The following WDFY4 variants were observed in gnomAD, a reference collection of about 807,000 sequenced individuals.
WDFY4 encodes the protein WDFY family member 4, also known as WD repeat- and FYVE domain-containing protein 4.
Under a neutral mutation model 351.9 loss-of-function variants are expected in WDFY4, and 169 were observed. The ratio of observed to expected loss-of-function variants is 0.48; its 90% CI spans 0.42 to 0.55. The LOEUF is 0.55. Among genes scored for constraint, WDFY4 ranks in the 20% least tolerant of loss-of-function variants. The pLI, the probability that WDFY4 is intolerant of heterozygous loss-of-function variation, is 0.00. For synonymous variants in WDFY4, 1,622 were observed against 1,574.6 expected, an observed-to-expected ratio of 1.03 and a Z score of -0.71; for missense variants, 3,803 against 3,935.6, an observed-to-expected ratio of 0.97 and a Z score of 0.90.
intron 1 of WDFY4, among the ~76,000 whole-genome samples, chr10:48,695,940 G>GT (rs2063320845): frequency 6.6e-6 from 1 of 152,178 alleles, no homozygotes; most frequent in Non-Finnish European, 1.5e-5. Flanking sequence ...ATAGAGGTGT[G>GT]TGCTGACCAG....
chr10:48,892,210 G>A (rs947718763), intron 44 of WDFY4, among the ~76,000 whole-genome samples: 21 of 152,194 alleles, frequency 1.4e-4, no homozygotes, highest in Admixed American at 7.9e-4. Flanking sequence ...ATCCACTGCT[G>A]TGCTCTTCAC....
intron 32 of WDFY4, 124 bp downstream of exon 32, chr10:48,817,533 G>A: frequency 2.4e-6 from 3 of 1,239,150 alleles, no homozygotes; most frequent in Non-Finnish European, 3.3e-6. Context: ...AACTTGAGCG[G>A]AACATTGAAT....
chr10:48,957,863 A>G (rs1026774539), intron 52 of WDFY4, among the ~76,000 whole-genome samples: 16 of 152,186 alleles, frequency 1.1e-4, no homozygotes, highest in Non-Finnish European at 2.4e-4. Flanking sequence ...CACGGTGGGT[A>G]GCTCCCCTGG....
At chr10:48,744,713 C>T (rs529084060) in intron 12 of WDFY4, among the ~76,000 whole-genome samples, 21 of 152,256 alleles carry the variant, frequency 1.4e-4, no homozygotes, top group Non-Finnish European at 2.4e-4. Flanking sequence ...CTTGTGAACC[C>T]GATGTTTTCT....
intron 12 of WDFY4, among the ~76,000 whole-genome samples, chr10:48,744,373 A>G (rs973921918): frequency 5.9e-5 from 9 of 152,244 alleles, no homozygotes; most frequent in Admixed American, 5.9e-4. Context: ...AGAAGGATGC[A>G]TGTTAAATCT....
intron 43 of WDFY4, among the ~76,000 whole-genome samples, chr10:48,888,503 C>G (rs904843152): frequency 6.6e-6 from 1 of 152,052 alleles, no homozygotes; most frequent in African/African-American, 2.4e-5. Context: ...TCAGTCTTGA[C>G]CCTTTCTAAT....
At chr10:48,873,987 T>C (rs2069891485) in intron 41 of WDFY4, among the ~76,000 whole-genome samples, 1 of 152,226 alleles carries the variant, frequency 6.6e-6, no homozygotes, top group South Asian at 2.1e-4. Flanking sequence ...AGCCCTGTGC[T>C]GCAGTCCACA....
intron 40 of WDFY4, 41 bp downstream of exon 40, chr10:48,867,383 G>T: frequency 3.8e-6 from 5 of 1,305,234 alleles, no homozygotes; most frequent in South Asian, 1.7e-5. Context: ...CAGCAAGCTG[G>T]AATCCACCTT....
rs113374726 is a variant in WDFY4 at position 48,774,646 on chromosome 10, C to G, written c.2742C>G (p.Ser914=). The G allele has an allele frequency of 2.1e-4, 321 of 1,551,762 alleles. 4 individuals carry two copies. The African/African-American group carries it at 3.5e-3, about 17-fold the overall frequency. ...TCAGGATCTTTGAGAAGCTCGCTTC[C>G]CAGGCCATTGAACCGGATGTGCTAA... The part of the protein sequence containing the change: ...RLIRIFEKLA[S]QAIEPDVLRQ... Residue 914 remains serine, a synonymous_variant, in exon 14 of 62, where the codon TCC becomes TCG. Transcript: ENST00000325239.
chr10:48,732,777 C>G (rs894942707), intron 9 of WDFY4, among the ~76,000 whole-genome samples: 1 of 152,234 alleles, frequency 6.6e-6, no homozygotes, highest in African/African-American at 2.4e-5. Flanking sequence ...CGCCTTGTCC[C>G]TATAGTTCCA....
At chr10:48,928,352 ACGTG>A (rs948743433) in intron 47 of WDFY4, among the ~76,000 whole-genome samples, 1 of 59,634 alleles carries the variant, frequency 1.7e-5, no homozygotes, top group African/African-American at 4.5e-5. Flanking sequence ...TTTGGTTTTG[ACGTG>A]TGTGTGTGTG....
At chr10:48,787,892 TCCTTCTTCTTCTTCTTCTTCTTCTTCTTC>T (rs2066496159) in intron 20 of WDFY4, among the ~76,000 whole-genome samples, 47 of 72,350 alleles carry the variant, frequency 6.5e-4, no homozygotes, top group East Asian at 1.2e-3. Context: ...CTTCTTCTTC[TCCTTCTTCTTCTTCTTCTTCTTCTTCTTC>T]TTCTTCTTCT....
At chr10:48,893,279 T>C (rs1209833185) in intron 44 of WDFY4, among the ~76,000 whole-genome samples, 4 of 152,240 alleles carry the variant, frequency 2.6e-5, no homozygotes, top group Admixed American at 6.5e-5. Flanking sequence ...TTTGGACCCA[T>C]CCCAATGGCT....
chr10:48,828,237 A>T (rs2068069656), intron 36 of WDFY4, among the ~76,000 whole-genome samples: 1 of 152,234 alleles, frequency 6.6e-6, no homozygotes, highest in Non-Finnish European at 1.5e-5. Flanking sequence ...CCCCACTTAC[A>T]ACTGGCTACA....
chr10:48,720,014 TG>T lies in WDFY4; in HGVS notation c.241del (p.Glu81AsnfsTer61). 6.4e-7 allele frequency: 1 copy of T among 1,551,636 alleles called. No individual in the cohort carries two copies. The highest frequency in any genetic ancestry group is 1.2e-5 in the South Asian group (1 of 84,064). On this transcript the variant is annotated frameshift_variant, in exon 3 of 62. Transcript: ENST00000325239. LOFTEE classifies it high-confidence loss of function. Reference sequence around the variant, plus strand: ...CAAGTCCCATCTGTTGCTTCAGGCCTGGGAACACTCCGTGGGGATCATCTGC... The same window carrying T: ...CAAGTCCCATCTGTTGCTTCAGGCCTGGAACACTCCGTGGGGATCATCTGC... ...LSLLPLFLKA[W>X]EHSVGIICFP...
At chr10:48,923,201 G>A (rs74133041) in intron 47 of WDFY4, among the ~76,000 whole-genome samples, 4,213 of 152,064 alleles carry the variant, frequency 0.028, 105 homozygotes, top group African/African-American at 0.06. Context: ...ATCCAAATAG[G>A]TAGCATCTGG....
At chr10:48,837,173 GGAGT>G (rs1447336288) in intron 39 of WDFY4, among the ~76,000 whole-genome samples, 3 of 151,878 alleles carry the variant, frequency 2.0e-5, no homozygotes, top group Non-Finnish European at 4.4e-5. Flanking sequence ...AATGTGCATA[GGAGT>G]CAGGGGGCTG....
At chr10:48,760,303 C>T (rs1472924281) in intron 12 of WDFY4, 44 bp from the exon 13 acceptor site, 4 of 1,517,534 alleles carry the variant, frequency 2.6e-6, no homozygotes, top group Non-Finnish European at 3.6e-6. Flanking sequence ...TAGAAAGAAA[C>T]TGGAAGGTCC....
chr10:48,736,069 A>G lies in WDFY4; in HGVS notation c.1877A>G (p.Lys626Arg). 6.4e-7 allele frequency: 1 copy of G among 1,551,790 alleles called. No homozygotes were observed. The highest frequency in any genetic ancestry group is 1.7e-4 in the Middle Eastern group (1 of 5,992). The change falls in exon 11 of 62, where the codon AAG becomes AGG. Residue 626 changes from lysine to arginine, a missense_variant and splice_region_variant. Lys to Arg is a conservative substitution (Grantham distance 26, BLOSUM62 2). This residue lies in a region of WDFY4 where 261 missense variants were observed against 330.2 expected (regional missense o/e 0.79). Coordinates refer to ENST00000325239, the MANE Select transcript of WDFY4 (RefSeq NM_001394531.1). ...CTGCAGCTGAAACTGGATCTCCTGA[A>G]GGTGATTTCAAGTCCTCCTTTGAGA... Reference protein sequence around the residue: ...GELQLKLDLLKSLLRILVTPK... With the variant: ...GELQLKLDLLRSLLRILVTPK...
Sources: gnomAD v4.1 joint callset for allele counts (sites outside exome capture counted in the v4.1 genomes callset) on GRCh38, gnomAD v4.1.1 for gene constraint, gnomAD v4.1.1 regional missense constraint, MANE v1.5 for transcripts, NCBI Gene and HGNC (gene_info 2026-07-23, HGNC 2026-07-21) for gene names.